CHSY1: variants seen among roughly 807,000 people sequenced by gnomAD.
CHSY1 encodes the protein chondroitin sulfate synthase 1, also known as N-acetylgalactosaminyl-proteoglycan 3-beta-glucuronosyltransferase 1.
CHSY1 carries 13 observed loss-of-function variants against 59.8 expected under a neutral mutation model. The observed-to-expected ratio is 0.22, with a 90% CI of 0.14 to 0.35. The LOEUF (loss-of-function observed/expected upper bound fraction) is 0.35, where lower values mean the gene tolerates loss of function less well. CHSY1 is among the 10% of genes least tolerant of loss of function. The pLI is 1.00. For synonymous variants in CHSY1, 459 were observed against 401.2 expected (o/e 1.14, Z -1.72); for missense variants, 947 against 1,030.6 (o/e 0.92, Z 1.11).
intron 2 of CHSY1, among the ~76,000 whole-genome samples, chr15:101,202,135 G>C (rs912815424): frequency 1.3e-5 from 2 of 151,474 alleles, no homozygotes; most frequent in African/African-American, 4.9e-5. Flanking sequence ...AGAGGCTGCA[G>C]GGAAGGATGG....
chr15:101,193,639 C>T (rs1189222187), intron 2 of CHSY1, among the ~76,000 whole-genome samples: 1 of 152,216 alleles, frequency 6.6e-6, no homozygotes, highest in Non-Finnish European at 1.5e-5. Context: ...CTGGAAATGA[C>T]TATTCACAGT....
At position 101,251,554 on chromosome 15, in the gene CHSY1, A is replaced by T. The variant is rs1318717333; in HGVS notation, c.-98T>A. On this transcript the variant is annotated 5_prime_UTR_variant, in exon 1 of 3. Coordinates refer to ENST00000254190, the MANE Select transcript of CHSY1 (RefSeq NM_014918.5). ...GAGGCCAGCCCGCCCTAGCGCCGCG[A>T]GGCCCGGCCCGGGCAGCGCCGCCGC... 2 of 170,850 alleles carry T rather than the reference A, an allele frequency of 1.2e-5. No individual in the cohort carries two copies. Among genetic ancestry groups the T allele is most frequent in the Non-Finnish European group, 2.2e-5 (2 of 92,042 alleles). The allele number at this position is 170,850 out of a possible 1,614,324, so 10.6% of individuals were successfully genotyped here.
At position 101,210,773 on chromosome 15, in the gene CHSY1, TC is replaced by T. The variant is rs529889955; in HGVS notation, c.816+24308del. On this transcript the variant is annotated intron_variant, in intron 2 of 2. Transcript: ENST00000254190. Reference sequence around the variant, plus strand: ...GGACAGTAATCATATCCAAAGACATTCCAGTTTTTTTTAAATACAATGTTTG... The same window carrying T: ...GGACAGTAATCATATCCAAAGACATTCAGTTTTTTTTAAATACAATGTTTG... Among the ~76,000 whole-genome samples, 386 of 152,240 alleles carry T rather than the reference TC, an allele frequency of 2.5e-3. 3 individuals are homozygous for T. The highest frequency in any genetic ancestry group is 2.9e-3 in the Non-Finnish European group (200 of 68,018).
At chr15:101,189,367 C>G in intron 2 of CHSY1, 1 of 832,640 alleles carries the variant, frequency 1.2e-6, no homozygotes. Context: ...GATATAAGCT[C>G]TAGTCTAGGG....
intron 1 of CHSY1, among the ~76,000 whole-genome samples, chr15:101,245,934 C>T (rs1011944569): frequency 2.6e-5 from 4 of 152,196 alleles, no homozygotes; most frequent in African/African-American, 9.7e-5. Context: ...CTGCTCTGAA[C>T]TGTTTCAAGA....
At chr15:101,189,489 A>AGGCC in intron 2 of CHSY1, 3 of 985,518 alleles carry the variant, frequency 3.0e-6, no homozygotes, top group Non-Finnish European at 3.6e-6. Context: ...CGTGCCACAC[A>AGGCC]GGCCCAGTGC....
At chr15:101,236,153 G>C (rs547036756) in intron 1 of CHSY1, among the ~76,000 whole-genome samples, 2 of 152,322 alleles carry the variant, frequency 1.3e-5, no homozygotes, top group Non-Finnish European at 2.9e-5. Context: ...TGAACCAACA[G>C]AACAGGGAGC....
chr15:101,242,793 C>A (rs537804510), intron 1 of CHSY1, among the ~76,000 whole-genome samples: 4 of 152,334 alleles, frequency 2.6e-5, no homozygotes, highest in Non-Finnish European at 5.9e-5. Context: ...GCAGCAAATG[C>A]ATTCAGCTGC....
At chr15:101,181,299 G>A (rs2038275829) in intron 2 of CHSY1, among the ~76,000 whole-genome samples, 1 of 152,222 alleles carries the variant, frequency 6.6e-6, no homozygotes, top group African/African-American at 2.4e-5. Context: ...GAGATAAAAA[G>A]CTAGATGACA....
At chr15:101,189,160 G>C (rs528089499) in intron 2 of CHSY1, among the ~76,000 whole-genome samples, 2 of 152,326 alleles carry the variant, frequency 1.3e-5, no homozygotes, top group East Asian at 1.9e-4. Flanking sequence ...CGTGGCGGGC[G>C]AAAGAGTCCC....
chr15:101,251,092 G>C (rs1229541407), intron 1 of CHSY1, 45 bp downstream of exon 1: 4 of 1,523,006 alleles, frequency 2.6e-6, no homozygotes, highest in South Asian at 1.2e-5. Context: ...GCCGGCCGCC[G>C]GGATGCCGGA....
chr15:101,210,320 C>T (rs748313885), intron 2 of CHSY1, among the ~76,000 whole-genome samples: 3 of 152,180 alleles, frequency 2.0e-5, no homozygotes, highest in African/African-American at 7.2e-5. Flanking sequence ...ACACCTTAAA[C>T]ATAAACCTCT....
rs550260463 is a variant in CHSY1, at chr15:101,198,507, A to C, written c.817-19527T>G. Among the ~76,000 whole-genome samples the C allele has an allele frequency of 4.6e-5, 7 of 152,214 alleles. 1 individual carries two copies. Among genetic ancestry groups the C allele is most frequent in the Non-Finnish European group, 1.0e-4 (7 of 68,034 alleles). ...GATTTAAAAGCCAGTTTTCAGAGTCACCGCTCACAAAAAACACATCAGTAA... is the reference window on the plus strand; with the variant it reads ...GATTTAAAAGCCAGTTTTCAGAGTCCCCGCTCACAAAAAACACATCAGTAA... On this transcript the variant is annotated intron_variant, in intron 2 of 2. Coordinates refer to ENST00000254190, the MANE Select transcript of CHSY1 (RefSeq NM_014918.5).
At chr15:101,219,791 A>T (rs1445138681) in intron 2 of CHSY1, among the ~76,000 whole-genome samples, 1 of 152,140 alleles carries the variant, frequency 6.6e-6, no homozygotes, top group Non-Finnish European at 1.5e-5. Flanking sequence ...CTTGAGATGG[A>T]GTTTCGCTCG....
intron 1 of CHSY1, among the ~76,000 whole-genome samples, chr15:101,236,780 G>A (rs563014785): frequency 1.3e-5 from 2 of 152,160 alleles, no homozygotes; most frequent in Admixed American, 6.5e-5. Context: ...AGCCGAGATC[G>A]TGCCACTGCA....
intron 2 of CHSY1, among the ~76,000 whole-genome samples, chr15:101,179,454 G>A (rs984389069): frequency 6.6e-6 from 1 of 152,228 alleles, no homozygotes; most frequent in Non-Finnish European, 1.5e-5. Context: ...GAGCGAAGGA[G>A]TACCCTGCTT....
chr15:101,231,077 G>A (rs1310347383), intron 2 of CHSY1, among the ~76,000 whole-genome samples: 2 of 152,136 alleles, frequency 1.3e-5, no homozygotes, highest in African/African-American at 4.8e-5. Context: ...GTATGGGGCT[G>A]TAGGGGTGGT....
rs138644154 is a variant in CHSY1, at chr15:101,244,330, C to T, written c.320+6807G>A. ...ACCTGGAAGCGTGAAGTTACAGTAACTGAGGAAAACGGTTGTGACACTAAC... is the reference window on the plus strand; with the variant it reads ...ACCTGGAAGCGTGAAGTTACAGTAATTGAGGAAAACGGTTGTGACACTAAC... On this transcript the variant is annotated intron_variant, in intron 1 of 2. Coordinates refer to ENST00000254190, the MANE Select transcript of CHSY1 (RefSeq NM_014918.5). 4.0e-3 allele frequency among the ~76,000 whole-genome samples: 608 copies of T among 152,292 alleles called. 3 individuals are homozygous for T. Among genetic ancestry groups the T allele is most frequent in the African/African-American group, 0.014 (580 of 41,554 alleles).
At chr15:101,215,485 A>C (rs2038722461) in intron 2 of CHSY1, among the ~76,000 whole-genome samples, 1 of 152,208 alleles carries the variant, frequency 6.6e-6, no homozygotes, top group Admixed American at 6.5e-5. Context: ...CTGTAATCCC[A>C]GCATCTGAGG....
Sources: allele counts gnomAD v4.1 joint callset (sites outside exome capture counted in the v4.1 genomes callset), GRCh38; gene constraint gnomAD v4.1.1; transcripts MANE v1.5; gene names NCBI Gene and HGNC (gene_info 2026-07-23, HGNC 2026-07-21).